The following GPHN variants were observed in gnomAD, a reference collection of about 807,000 sequenced individuals.
GPHN encodes the protein gephyrin.
Under a neutral mutation model 95.5 loss-of-function variants are expected in GPHN, and 17 were observed. The ratio of observed to expected loss-of-function variants is 0.18; its 90% confidence interval spans 0.12 to 0.27. The LOEUF (loss-of-function observed/expected upper bound fraction) is 0.27, where lower values mean the gene tolerates loss of function less well. GPHN is among the 10% of genes least tolerant of loss of function. The pLI, the probability that GPHN is intolerant of heterozygous loss-of-function variation, is 1.00. For synonymous variants in GPHN, 320 were observed against 322.5 expected (o/e 0.99, Z 0.08); for missense variants, 660 against 978.1 (o/e 0.67, Z 4.34).
At chr14:67,715,768 C>G in the GPHN span, among the ~76,000 whole-genome samples, 1 of 152,086 alleles carries the variant, frequency 6.6e-6, no homozygotes, top group Non-Finnish European at 1.5e-5. Context: ...ATCTCATAAC[C>G]AGGGAGAGAT....
the GPHN span, chr14:67,726,149 C>T: frequency 5.0e-6 from 8 of 1,598,808 alleles, no homozygotes; most frequent in Non-Finnish European, 6.0e-6. Context: ...GGGAGTCAAC[C>T]ACCTGGGTAA....
intron 2 of GPHN, among the ~76,000 whole-genome samples, chr14:66,775,934 A>G (rs954171011): frequency 2.0e-5 from 3 of 152,176 alleles, no homozygotes; most frequent in Non-Finnish European, 4.4e-5. Flanking sequence ...TTACGTAAAA[A>G]AAGAAGCAGA....
chr14:66,967,443 C>G (rs2069418934), intron 9 of GPHN, among the ~76,000 whole-genome samples: 1 of 151,896 alleles, frequency 6.6e-6, no homozygotes, highest in African/African-American at 2.4e-5. Flanking sequence ...CAAATATACT[C>G]CTTGTCTTCA....
the GPHN span, among the ~76,000 whole-genome samples, chr14:67,556,530 C>T: frequency 6.6e-6 from 1 of 152,152 alleles, no homozygotes; most frequent in Non-Finnish European, 1.5e-5. Context: ...CCTCCTGCCT[C>T]AACCTCCCAA....
chr14:67,255,267 T>C, the GPHN span, among the ~76,000 whole-genome samples: 2 of 152,196 alleles, frequency 1.3e-5, no homozygotes, highest in African/African-American at 4.8e-5. Flanking sequence ...ATGGAGTACA[T>C]TGAGAGCAAA....
At chr14:67,060,816 G>A (rs1272686669) in intron 11 of GPHN, among the ~76,000 whole-genome samples, 3 of 152,082 alleles carry the variant, frequency 2.0e-5, no homozygotes, top group Non-Finnish European at 4.4e-5. Context: ...CAGGCTAGTA[G>A]TTTCAGATAC....
At chr14:67,582,352 G>A in the GPHN span, 966 of 1,425,764 alleles carry the variant, frequency 6.8e-4, 2 homozygotes, top group Non-Finnish European at 8.9e-4. The surrounding 1 kb of genome is among the most constrained non-coding windows in gnomAD (Gnocchi z 5.0). Context: ...ATGGAAAGCA[G>A]CTGACTTCTA....
intron 10 of GPHN, among the ~76,000 whole-genome samples, chr14:67,048,415 T>TA (rs1442521582): frequency 1.3e-5 from 2 of 152,204 alleles, no homozygotes; most frequent in Non-Finnish European, 2.9e-5. Flanking sequence ...AAGTTGTACT[T>TA]ATGGAACTGT....
chr14:67,074,543 T>G (rs564168356), intron 11 of GPHN, among the ~76,000 whole-genome samples: 1 of 152,274 alleles, frequency 6.6e-6, no homozygotes, highest in African/African-American at 2.4e-5. Context: ...GTAGGCCATT[T>G]AATAACTCTA....
At chr14:67,185,701 T>C (rs72717335), downstream of GPHN, among the ~76,000 whole-genome samples, 10,043 of 152,232 alleles carry the variant, frequency 0.066, 349 homozygotes, top group Middle Eastern at 0.085. Flanking sequence ...CAAGTAAATG[T>C]TTGGTGATGT....
chr14:66,559,264 TGGCTG>T (rs1218290558), intron 1 of GPHN, among the ~76,000 whole-genome samples: 1 of 151,666 alleles, frequency 6.6e-6, no homozygotes, highest in African/African-American at 2.4e-5. Context: ...AGTAATGGGA[TGGCTG>T]GGTCAAATGG....
chr14:66,885,277 C>T (rs1053762680), intron 5 of GPHN, among the ~76,000 whole-genome samples: 2 of 151,948 alleles, frequency 1.3e-5, no homozygotes, highest in African/African-American at 4.8e-5. Context: ...CCTGGACAAC[C>T]GTTTGAACTG....
intron 2 of GPHN, among the ~76,000 whole-genome samples, chr14:66,749,474 T>C (rs2058287585): frequency 6.6e-6 from 1 of 152,016 alleles, no homozygotes; most frequent in Non-Finnish European, 1.5e-5. Context: ...TAAATGAGAC[T>C]TCTTGTTGTT....
chr14:67,090,009 G>T (rs2077082709), intron 12 of GPHN, among the ~76,000 whole-genome samples: 1 of 152,018 alleles, frequency 6.6e-6, no homozygotes, highest in Admixed American at 6.6e-5. Flanking sequence ...ATTAACACAT[G>T]CATTACCTCA....
chr14:66,509,379 C>G (rs1594766455), intron 1 of GPHN: 2 of 152,468 alleles, frequency 1.3e-5, no homozygotes, highest in Middle Eastern at 6.8e-3. Context: ...GGAACCCCCA[C>G]CCCGGTAGAG....
chr14:67,341,242 C>T, the GPHN span, among the ~76,000 whole-genome samples: 2,896 of 151,796 alleles, frequency 0.019, 35 homozygotes, highest in Middle Eastern at 0.034. Context: ...CGTCTCTGCC[C>T]GGCCGCCCAT....
intron 3 of GPHN, among the ~76,000 whole-genome samples, chr14:66,783,483 A>G (rs922743888): frequency 6.6e-6 from 1 of 152,198 alleles, no homozygotes; most frequent in Non-Finnish European, 1.5e-5. Context: ...CTCCATCCCC[A>G]TTCAGTATCA....
chr14:67,139,916 C>T (rs541186098), intron 17 of GPHN, among the ~76,000 whole-genome samples: 3 of 152,166 alleles, frequency 2.0e-5, no homozygotes, highest in Admixed American at 6.5e-5. Context: ...ATATACTACC[C>T]ACAGAGTACA....
At chr14:67,550,517 A>G in the GPHN span, among the ~76,000 whole-genome samples, 1 of 152,262 alleles carries the variant, frequency 6.6e-6, no homozygotes, top group Non-Finnish European at 1.5e-5. Flanking sequence ...AACAAGAGTT[A>G]GAACAATTTA....
Sources: gnomAD v4.1 joint callset for allele counts (sites outside exome capture counted in the v4.1 genomes callset) on GRCh38, gnomAD v4.1.1 for gene constraint, Gnocchi (gnomAD v3.1) non-coding constraint, MANE v1.5 for transcripts, NCBI Gene and HGNC (gene_info 2026-07-23, HGNC 2026-07-21) for gene names.